Variants in MARCHF1 observed in about 807,000 individuals in gnomAD.
The protein encoded by MARCHF1 is E3 ubiquitin-protein ligase MARCHF1.
Under a neutral mutation model 54.2 loss-of-function variants are expected in MARCHF1, and 40 were observed. The observed-to-expected ratio is 0.74, with a 90% CI of 0.57 to 0.96. The LOEUF is 0.96. Among genes scored for constraint, MARCHF1 ranks in the 40% least tolerant of loss-of-function variants. MARCHF1 has a pLI of 0.00. For missense variants in MARCHF1, 586 were observed against 656.5 expected (o/e 0.89, Z 1.17); for synonymous variants, 236 against 236.3 (o/e 1.00, Z 0.01).
At chr4:163,812,344 T>G (rs1748414669) in intron 4 of MARCHF1, among the ~76,000 whole-genome samples, 1 of 151,856 alleles carries the variant, frequency 6.6e-6, no homozygotes, top group Admixed American at 6.6e-5. Context: ...TGTATACATA[T>G]ACACGTATAT....
intron 2 of MARCHF1, among the ~76,000 whole-genome samples, chr4:163,998,939 T>C (rs935969871): frequency 6.6e-6 from 1 of 151,734 alleles, no homozygotes; most frequent in Non-Finnish European, 1.5e-5. Flanking sequence ...CTCTTAGACA[T>C]AGTGATTTCA....
At chr4:164,067,665 C>T (rs1310919539) in intron 2 of MARCHF1, among the ~76,000 whole-genome samples, 4 of 152,006 alleles carry the variant, frequency 2.6e-5, no homozygotes, top group African/African-American at 7.2e-5. Context: ...TTTACATTGG[C>T]CTTGGCAAAG....
Position 163,908,776 on chromosome 4 carries a change from A to G in MARCHF1, c.-38-54607T>C, listed in dbSNP as rs559681921. Among the ~76,000 whole-genome samples, 5 of 152,240 alleles carry G rather than the reference A, an allele frequency of 3.3e-5. No individual in the cohort carries two copies. The South Asian group carries it at 1.0e-3, about 32-fold the overall frequency. ...AATGTAATCCTGCGAGCATCTCCCC[A>G]CCACGACACAAAATATTACAAGTTA... On this transcript the variant is annotated intron_variant, in intron 3 of 9. Transcript: ENST00000514618.
chr4:163,620,590 CACACACACACACACACAGAGAG>C (rs1277617186), intron 5 of MARCHF1, among the ~76,000 whole-genome samples: 1 of 85,560 alleles, frequency 1.2e-5, no homozygotes, highest in Non-Finnish European at 2.1e-5. Flanking sequence ...CACACACACA[CACACACACACACACACAGAGAG>C]AGAGAGAGAG....
intron 2 of MARCHF1, among the ~76,000 whole-genome samples, chr4:163,999,155 G>A (rs1231083795): frequency 6.6e-6 from 1 of 151,366 alleles, no homozygotes; most frequent in Non-Finnish European, 1.5e-5. Flanking sequence ...AAAGATGTGA[G>A]GTGATCCCTC....
At chr4:163,615,828 G>A (rs4557218) in intron 5 of MARCHF1, among the ~76,000 whole-genome samples, 62,865 of 151,916 alleles carry the variant, frequency 0.41, 13,690 homozygotes, top group East Asian at 0.57. Context: ...TTCAAAATGT[G>A]CTACAAATTC....
intron 1 of MARCHF1, among the ~76,000 whole-genome samples, chr4:164,237,121 TC>T (rs1484622670): frequency 5.3e-5 from 8 of 152,210 alleles, no homozygotes; most frequent in African/African-American, 1.9e-4. Flanking sequence ...TAAGTATCAT[TC>T]ATTTTCTTTC....
chr4:163,692,239 G>T (rs772240510), intron 5 of MARCHF1, among the ~76,000 whole-genome samples: 1 of 152,188 alleles, frequency 6.6e-6, no homozygotes, highest in Non-Finnish European at 1.5e-5. Flanking sequence ...GGCTGAGGAA[G>T]CAGCCTTGAG....
At chr4:164,365,962 A>T (rs1561020814) in intron 1 of MARCHF1, among the ~76,000 whole-genome samples, 1 of 149,280 alleles carries the variant, frequency 6.7e-6, no homozygotes, top group Non-Finnish European at 1.5e-5. Flanking sequence ...TCAAGTTTTG[A>T]TCATCTCTCT....
At chr4:163,705,103 T>G (rs564950889) in intron 4 of MARCHF1, among the ~76,000 whole-genome samples, 1 of 151,640 alleles carries the variant, frequency 6.6e-6, no homozygotes, top group East Asian at 1.9e-4. Flanking sequence ...AAACATAAGA[T>G]AGTTAATCAA....
chr4:163,945,039 T>A (rs1008164666), intron 3 of MARCHF1, among the ~76,000 whole-genome samples: 1 of 152,136 alleles, frequency 6.6e-6, no homozygotes, highest in Non-Finnish European at 1.5e-5. Context: ...AAAAACAAAC[T>A]GATATTGTCT....
intron 4 of MARCHF1, among the ~76,000 whole-genome samples, chr4:163,795,622 ACTGT>A (rs1429992144): frequency 1.3e-5 from 2 of 152,176 alleles, no homozygotes; most frequent in Non-Finnish European, 2.9e-5. Flanking sequence ...TTTCTCTTGA[ACTGT>A]CTGTCATTTC....
chr4:163,923,193 A>C (rs1267276496), intron 3 of MARCHF1, among the ~76,000 whole-genome samples: 1 of 152,172 alleles, frequency 6.6e-6, no homozygotes, highest in African/African-American at 2.4e-5. Flanking sequence ...AATGGAACTC[A>C]CTTCTAACTG....
At chr4:164,165,558 G>A (rs116700236) in intron 1 of MARCHF1, among the ~76,000 whole-genome samples, 99 of 152,006 alleles carry the variant, frequency 6.5e-4, no homozygotes, top group Middle Eastern at 3.4e-3. Flanking sequence ...CCAATCTACA[G>A]CATTTTGTTA....
chr4:164,117,270 A>C (rs897251412), intron 1 of MARCHF1, among the ~76,000 whole-genome samples: 3 of 152,032 alleles, frequency 2.0e-5, no homozygotes, highest in Non-Finnish European at 4.4e-5. Context: ...AAAAATAAAA[A>C]ATAAATAAAT....
chr4:163,806,594 T>A (rs976622757), intron 4 of MARCHF1, among the ~76,000 whole-genome samples: 1 of 152,168 alleles, frequency 6.6e-6, no homozygotes, highest in Non-Finnish European at 1.5e-5. Flanking sequence ...ATTAAGAATA[T>A]TTTATTGGGG....
At chr4:164,317,032 C>A (rs1735018923) in intron 1 of MARCHF1, among the ~76,000 whole-genome samples, 1 of 152,108 alleles carries the variant, frequency 6.6e-6, no homozygotes, top group Admixed American at 6.6e-5. Flanking sequence ...TTCTTTATAG[C>A]AGTGTGAGAA....
chr4:163,792,628 G>A (rs1376169852), intron 4 of MARCHF1, among the ~76,000 whole-genome samples: 2 of 152,090 alleles, frequency 1.3e-5, no homozygotes, highest in Non-Finnish European at 2.9e-5. Flanking sequence ...TGCAATTAAA[G>A]CATTTGAATA....
At chr4:163,890,684 G>A (rs1725483000) in intron 3 of MARCHF1, among the ~76,000 whole-genome samples, 1 of 151,944 alleles carries the variant, frequency 6.6e-6, no homozygotes, top group African/African-American at 2.4e-5. Context: ...TTTTGATTCG[G>A]GAGTATTTAC....
Sources: allele counts gnomAD v4.1 joint callset (sites outside exome capture counted in the v4.1 genomes callset), GRCh38; gene constraint gnomAD v4.1.1; transcripts MANE v1.5; gene names NCBI Gene and HGNC (gene_info 2026-07-23, HGNC 2026-07-21).